Variants in RNFT2 observed in about 807,000 individuals in gnomAD.
The protein encoded by RNFT2 is E3 ubiquitin-protein ligase RNFT2.
A neutral mutation model predicts 53.0 loss-of-function variants in RNFT2; 36 were observed. The observed-to-expected ratio is 0.68, with a 90% CI of 0.52 to 0.90. The LOEUF is 0.90. RNFT2 is among the 40% of genes least tolerant of loss of function. The probability of loss-of-function intolerance (pLI) is 0.00; values close to 1 mark genes in which losing one functional copy is unlikely to be tolerated. For missense variants in RNFT2, 514 were observed against 585.6 expected (o/e 0.88, Z 1.26); for synonymous variants, 260 against 253.2 (o/e 1.03, Z -0.26).
At chr12:116,824,424 T>A (rs1440363892) in intron 7 of RNFT2, among the ~76,000 whole-genome samples, 1 of 152,156 alleles carries the variant, frequency 6.6e-6, no homozygotes, top group Non-Finnish European at 1.5e-5. Flanking sequence ...TAATAAGACT[T>A]AAATTTAAAA....
intron 7 of RNFT2, among the ~76,000 whole-genome samples, chr12:116,809,894 C>CA (rs1418058063): frequency 2.6e-5 from 4 of 152,122 alleles, no homozygotes. Context: ...AGGCTGGTCA[C>CA]AAACTCCCAA....
Position 116,740,609 on chromosome 12 carries a change from C to A in RNFT2, c.24+88C>A, listed in dbSNP as rs1871560285. ...GGAAGTTTTGGTTTGACCACTCCAC[C>A]CCTCCCATGTAACACATGGGGAATC... On this transcript the variant is annotated intron_variant, in intron 2 of 10. Transcript: ENST00000257575. 4 of 1,190,702 alleles carry A rather than the reference C, an allele frequency of 3.4e-6. No homozygotes were observed. In the Admixed American group the frequency reaches 5.9e-5, roughly 18 times the overall value. 73.8% of individuals were successfully genotyped at this position (1,190,702 alleles called of 1,614,324 possible).
intron 10 of RNFT2, among the ~76,000 whole-genome samples, chr12:116,839,322 T>C (rs1014149493): frequency 6.7e-5 from 10 of 149,924 alleles, no homozygotes; most frequent in African/African-American, 2.5e-4. Flanking sequence ...GAGGGATGGA[T>C]GGACAGAAGG....
At chr12:116,782,225 AT>A (rs1873748129) in intron 7 of RNFT2, 1 of 151,912 alleles carries the variant, frequency 6.6e-6, no homozygotes, top group African/African-American at 2.4e-5. Context: ...TTAAAAAAAA[AT>A]AGGGCTGTGT....
intron 5 of RNFT2, among the ~76,000 whole-genome samples, chr12:116,763,021 G>C (rs1872749420): frequency 6.6e-6 from 1 of 152,254 alleles, no homozygotes; most frequent in Admixed American, 6.5e-5. Flanking sequence ...GTTTGAGGCT[G>C]CAGTGAGCTA....
At chr12:116,842,892 G>T (rs906392148) in intron 10 of RNFT2, among the ~76,000 whole-genome samples, 7 of 152,098 alleles carry the variant, frequency 4.6e-5, no homozygotes, top group Non-Finnish European at 5.9e-5. Flanking sequence ...CTTTATAAGG[G>T]GTAGTGGCTC....
chr12:116,750,887 A>ATG (rs376171238), intron 4 of RNFT2, among the ~76,000 whole-genome samples: 186 of 2,650 alleles, frequency 0.07, 10 homozygotes, highest in Admixed American at 0.24. Context: ...TATATTATAT[A>ATG]TATAATATAT....
At chr12:116,841,414 C>T (rs542084889) in intron 10 of RNFT2, among the ~76,000 whole-genome samples, 1 of 152,012 alleles carries the variant, frequency 6.6e-6, no homozygotes, top group South Asian at 2.1e-4. Context: ...GATTGCACCA[C>T]TACACCATAG....
intron 3 of RNFT2, among the ~76,000 whole-genome samples, chr12:116,747,938 C>A (rs1005193019): frequency 1.3e-5 from 2 of 152,160 alleles, no homozygotes; most frequent in Admixed American, 1.3e-4. Context: ...TGCCTGTAAT[C>A]CCAGCACTTT....
chr12:116,825,030 C>T (rs1876252179), intron 7 of RNFT2, among the ~76,000 whole-genome samples: 1 of 152,178 alleles, frequency 6.6e-6, no homozygotes, highest in Non-Finnish European at 1.5e-5. Flanking sequence ...TCTCTCCTCC[C>T]CATGATATCT....
intron 7 of RNFT2, among the ~76,000 whole-genome samples, chr12:116,808,688 C>T (rs1426294348): frequency 6.6e-6 from 1 of 152,198 alleles, no homozygotes; most frequent in Non-Finnish European, 1.5e-5. Context: ...ACATGGCCCC[C>T]GCAGTTTAAT....
chr12:116,749,894 T>C lies in RNFT2; in HGVS notation c.137T>C (p.Phe46Ser), dbSNP rs912362051. ...SEASVDEGGV[F>S]ESLKAEAASP... ...GCGAGTGTGGATGAAGGTGGCGTCTTTGAGAGTCTGAAGGCAGAGGCAGCC... is the reference window on the plus strand; with the variant it reads ...GCGAGTGTGGATGAAGGTGGCGTCTCTGAGAGTCTGAAGGCAGAGGCAGCC... The change falls in exon 4 of 11, where the codon TTT becomes TCT. Residue 46 changes from phenylalanine (F) to serine (S), a missense_variant. By Grantham distance (155) the Phe-to-Ser change is radical. This residue lies in a region of RNFT2 where 237 missense variants were observed against 235.1 expected (regional missense o/e 1.01). Coordinates refer to ENST00000257575, the MANE Select transcript of RNFT2 (RefSeq NM_001382266.1). 1 of 1,589,488 alleles carries C rather than the reference T, an allele frequency of 6.3e-7. No individual in the cohort carries two copies. The highest frequency in any genetic ancestry group is 8.6e-7 in the Non-Finnish European group (1 of 1,168,018).
At chr12:116,750,934 C>T (rs1398147986) in intron 4 of RNFT2, among the ~76,000 whole-genome samples, 4 of 135,434 alleles carry the variant, frequency 3.0e-5, no homozygotes, top group Non-Finnish European at 6.2e-5. Flanking sequence ...GGGTCTTGCT[C>T]TTTCAGCCAG....
intron 6 of RNFT2, among the ~76,000 whole-genome samples, chr12:116,769,528 C>T (rs1047328251): frequency 2.0e-5 from 3 of 151,900 alleles, no homozygotes; most frequent in Non-Finnish European, 2.9e-5. Flanking sequence ...CTAAGGTGTA[C>T]GTTTATGTCT....
intron 7 of RNFT2, among the ~76,000 whole-genome samples, chr12:116,803,518 T>C (rs1258771673): frequency 1.3e-5 from 2 of 152,196 alleles, no homozygotes; most frequent in African/African-American, 4.8e-5. Context: ...CCCACTTACA[T>C]CCACTGTATT....
At chr12:116,771,950 G>T (rs1407687469) in intron 6 of RNFT2, among the ~76,000 whole-genome samples, 1 of 152,192 alleles carries the variant, frequency 6.6e-6, no homozygotes, top group African/African-American at 2.4e-5. Flanking sequence ...ATCTCGAACG[G>T]TCAACAGTTT....
At chr12:116,789,976 A>ATGGGTGGG (rs1874159308) in intron 7 of RNFT2, among the ~76,000 whole-genome samples, 1 of 151,448 alleles carries the variant, frequency 6.6e-6, no homozygotes, top group Admixed American at 6.6e-5. Context: ...GGATGGATGG[A>ATGGGTGGG]TGGATGGATG....
intron 7 of RNFT2, among the ~76,000 whole-genome samples, chr12:116,821,004 A>G (rs1338196911): frequency 1.3e-5 from 2 of 151,924 alleles, no homozygotes; most frequent in Non-Finnish European, 2.9e-5. Flanking sequence ...GAGCTTTCTC[A>G]TCTAAGAAAT....
At chr12:116,801,804 TTTTGTTTGTTTG>T (rs150647298) in intron 7 of RNFT2, among the ~76,000 whole-genome samples, 18 of 148,242 alleles carry the variant, frequency 1.2e-4, no homozygotes, top group African/African-American at 2.4e-4. Context: ...GTGGGGTTTT[TTTTGTTTGTTTG>T]TTTGTTTGTT....
Sources: gnomAD v4.1 joint callset for allele counts (sites outside exome capture counted in the v4.1 genomes callset) on GRCh38, gnomAD v4.1.1 for gene constraint, gnomAD v4.1.1 regional missense constraint, MANE v1.5 for transcripts, NCBI Gene and HGNC (gene_info 2026-07-23, HGNC 2026-07-21) for gene names.